The following CDH23 variants were observed in gnomAD, a reference collection of about 807,000 sequenced individuals.
CDH23 encodes the protein cadherin related 23.
A neutral mutation model predicts 317.1 loss-of-function variants in CDH23; 189 were observed. The ratio of observed to expected loss-of-function variants is 0.60; its 90% confidence interval spans 0.53 to 0.67. CDH23 has a LOEUF of 0.67. Among genes scored for constraint, CDH23 ranks in the 30% least tolerant of loss-of-function variants. The pLI, the probability that CDH23 is intolerant of heterozygous loss-of-function variation, is 0.00. For missense variants in CDH23, 4,401 were observed against 4,592.4 expected, an observed-to-expected ratio of 0.96 and a Z score of 1.20; for synonymous variants, 1,839 against 1,876.8, an observed-to-expected ratio of 0.98 and a Z score of 0.52.
chr10:71,547,748 TG>T (rs1856364131), intron 6 of CDH23, among the ~76,000 whole-genome samples: 2 of 152,162 alleles, frequency 1.3e-5, no homozygotes, highest in African/African-American at 4.8e-5. Context: ...GGGAATGTAT[TG>T]ACATTCATGG....
At chr10:71,564,009 A>G (rs1385286946) in intron 6 of CDH23, among the ~76,000 whole-genome samples, 5 of 152,182 alleles carry the variant, frequency 3.3e-5, no homozygotes, top group African/African-American at 1.2e-4. Flanking sequence ...CATTTTACAG[A>G]TGAGGAAACT....
chr10:71,780,649 C>T (rs9415045), intron 41 of CDH23, among the ~76,000 whole-genome samples: 78,322 of 151,900 alleles, frequency 0.52, 20,592 homozygotes, highest in Middle Eastern at 0.7. Context: ...ATCATGAGGG[C>T]GTGGCTTTTG....
intron 38 of CDH23, chr10:71,755,078 C>T (rs1354013421): frequency 1.7e-6 from 1 of 584,762 alleles, no homozygotes; most frequent in East Asian, 3.8e-5. Context: ...GCAACTTGAG[C>T]TACTGCATAT....
Position 71,680,761 on chromosome 10 carries a change from AAAG to A in CDH23, c.1858+1272_1858+1274del, listed in dbSNP as rs1445843637. The stretch of plus-strand genomic sequence containing the variant: ...CACTCCGTCTCAAAAAAAAAAAAAA[AAAG>A]AAAAAGAAATTGCATTCTCTATGAA... On this transcript the variant is annotated intron_variant, in intron 17 of 69. Coordinates refer to ENST00000224721, the MANE Select transcript of CDH23 (RefSeq NM_022124.6). 1.6e-3 allele frequency among the ~76,000 whole-genome samples: 239 copies of A among 145,584 alleles called. 19 individuals carry two copies. The highest frequency in any genetic ancestry group is 3.5e-3 in the Middle Eastern group (1 of 282).
At chr10:71,645,484 C>T (rs899767695) in intron 12 of CDH23, among the ~76,000 whole-genome samples, 2 of 152,216 alleles carry the variant, frequency 1.3e-5, no homozygotes, top group East Asian at 3.8e-4. Flanking sequence ...TGTCTCCCCG[C>T]TGGGTCTTGC....
At chr10:71,535,970 C>T (rs11594877) in intron 6 of CDH23, among the ~76,000 whole-genome samples, 15,644 of 152,332 alleles carry the variant, frequency 0.1, 896 homozygotes, top group African/African-American at 0.12. Flanking sequence ...AAAGGACACA[C>T]GCTCTCGGCA....
intron 30 of CDH23, among the ~76,000 whole-genome samples, chr10:71,728,867 C>G (rs1226249760): frequency 6.6e-6 from 1 of 152,166 alleles, no homozygotes. Context: ...CCACCCCCGG[C>G]TAATTTTTTT....
At chr10:71,540,254 T>C (rs910260760) in intron 6 of CDH23, among the ~76,000 whole-genome samples, 26 of 152,144 alleles carry the variant, frequency 1.7e-4, no homozygotes, top group African/African-American at 5.8e-4. Context: ...CCCACCCTCT[T>C]ATCAGCCCAG....
chr10:71,667,861 A>G (rs908226239), intron 14 of CDH23, among the ~76,000 whole-genome samples: 2 of 152,116 alleles, frequency 1.3e-5, no homozygotes, highest in Non-Finnish European at 2.9e-5. Context: ...TGGGCTGGAC[A>G]TAGAGTTTTG....
In CDH23 at chr10:71,760,088, C is replaced by CATAT. The variant is rs1469023881; in HGVS notation, c.4846-17590_4846-17587dup. Among the ~76,000 whole-genome samples, 5 of 125,748 alleles carry CATAT rather than the reference C, an allele frequency of 4.0e-5. 1 individual carries two copies. The highest frequency in any genetic ancestry group is 8.5e-5 in the African/African-American group (3 of 35,240). The allele number at this position is 125,748 out of a possible 152,430, so 82.5% of individuals were successfully genotyped here. The stretch of plus-strand genomic sequence containing the variant: ...ACACACACACATATATATACACACA[C>CATAT]ATATACACACACACATACATACATA... On this transcript the variant is annotated intron_variant, in intron 38 of 69. Transcript: ENST00000224721.
In CDH23 at chr10:71,803,395, A is replaced by G. The variant is rs1461870157; in HGVS notation, c.7847A>G (p.Asn2616Ser). The change falls in exon 55 of 70, where the codon AAC becomes AGC. Residue 2616 changes from asparagine to serine, a missense_variant. Around this residue, in one of 3 missense-constraint regions of CDH23, gnomAD observed 1,144 missense variants for 1,138.2 expected, o/e 1.01. Coordinates refer to ENST00000224721, the MANE Select transcript of CDH23 (RefSeq NM_022124.6). ...DNRPVFVRPPNGTILHIREEI... is the reference protein window; with the variant it reads ...DNRPVFVRPPSGTILHIREEI... ...CGCCCTGTCTTTGTGCGCCCACCCA[A>G]CGGCACCATCCTCCACATCAGAGAG... The G allele has an allele frequency of 2.5e-6, 4 of 1,596,952 alleles. No homozygotes were observed. The highest frequency in any genetic ancestry group is 3.4e-6 in the Non-Finnish European group (4 of 1,172,594).
At chr10:71,436,267 G>A (rs1229038120) in intron 1 of CDH23, among the ~76,000 whole-genome samples, 6 of 152,364 alleles carry the variant, frequency 3.9e-5, no homozygotes, top group Non-Finnish European at 1.5e-5. Flanking sequence ...GATCGCCTCC[G>A]ATGGGGAAAG....
chr10:71,438,078 C>T (rs969044814), intron 1 of CDH23, among the ~76,000 whole-genome samples: 1 of 152,104 alleles, frequency 6.6e-6, no homozygotes, highest in Non-Finnish European at 1.5e-5. Context: ...TGGTGGCTCA[C>T]GCCTGTAATC....
At chr10:71,696,277 A>G (rs1447234712) in intron 22 of CDH23, among the ~76,000 whole-genome samples, 1 of 152,136 alleles carries the variant, frequency 6.6e-6, no homozygotes, top group Non-Finnish European at 1.5e-5. Context: ...TCCCCACATG[A>G]ACATCCCCAC....
In CDH23 at chr10:71,702,170, A is replaced by C. The variant is rs545233135; in HGVS notation, c.2546A>C (p.Glu849Ala). The change falls in exon 23 of 70, where the codon GAG (glutamate) becomes GCG (alanine). Residue 849 changes from glutamate (E) to alanine (A), a missense_variant. This residue lies in a region of CDH23 where 3,068 missense variants were observed against 3,203.3 expected (regional missense o/e 0.96). Coordinates refer to ENST00000224721, the MANE Select transcript of CDH23 (RefSeq NM_022124.6). Reference protein sequence around the residue: ...MLDRENPDPHEAELMRKIVVS... With the variant: ...MLDRENPDPHAAELMRKIVVS... ...GACCGGGAGAACCCCGACCCCCATG[A>C]GGCCGAGCTGATGCGCAAAATCGTC... 4 of 1,613,840 alleles carry C rather than the reference A, an allele frequency of 2.5e-6. No individual in the cohort carries two copies. The South Asian group carries it at 4.4e-5, about 18-fold the overall frequency.
At chr10:71,694,754 G>A (rs1469720529) in intron 21 of CDH23, among the ~76,000 whole-genome samples, 1 of 152,194 alleles carries the variant, frequency 6.6e-6, no homozygotes, top group Non-Finnish European at 1.5e-5. Flanking sequence ...AAGTGAAAGG[G>A]GAAGTGAGAA....
intron 6 of CDH23, among the ~76,000 whole-genome samples, chr10:71,525,123 C>T (rs779735534): frequency 1.1e-4 from 16 of 152,106 alleles, no homozygotes; most frequent in Non-Finnish European, 1.8e-4. Context: ...GCCAGGCTGG[C>T]CTTGAACTAC....
intron 6 of CDH23, among the ~76,000 whole-genome samples, chr10:71,523,281 T>C (rs1220193351): frequency 1.3e-5 from 2 of 152,226 alleles, no homozygotes; most frequent in Non-Finnish European, 2.9e-5. Context: ...CTAGAACTGA[T>C]TGTTTTTTCC....
At chr10:71,444,578 GT>G (rs1449293836) in intron 2 of CDH23, among the ~76,000 whole-genome samples, 1 of 152,252 alleles carries the variant, frequency 6.6e-6, no homozygotes, top group African/African-American at 2.4e-5. Flanking sequence ...GTCCTGGCCA[GT>G]AAGTGAGAGA....
Sources: allele counts gnomAD v4.1 joint callset (sites outside exome capture counted in the v4.1 genomes callset), GRCh38; gene constraint gnomAD v4.1.1; regional missense constraint gnomAD v4.1.1; transcripts MANE v1.5; gene names NCBI Gene and HGNC (gene_info 2026-07-23, HGNC 2026-07-21).